Variants in USP32 observed in about 807,000 individuals in gnomAD.
USP32 encodes ubiquitin specific peptidase 32, also known as ubiquitin carboxyl-terminal hydrolase 32.
In USP32, 59 loss-of-function variants were observed where a neutral mutation model predicts 204.8. That is an observed-to-expected ratio of 0.29 (90% confidence interval 0.23 to 0.36). The LOEUF is 0.36. Among genes scored for constraint, USP32 ranks in the 10% least tolerant of loss-of-function variants. The pLI is 1.00. For synonymous variants in USP32, 517 were observed against 678.4 expected, an observed-to-expected ratio of 0.76 and a Z score of 3.70; for missense variants, 1,160 against 1,946.4, an observed-to-expected ratio of 0.60 and a Z score of 7.60.
intron 2 of USP32, among the ~76,000 whole-genome samples, chr17:60,336,843 C>G (rs909483253): frequency 3.3e-5 from 5 of 152,202 alleles, no homozygotes; most frequent in African/African-American, 1.2e-4. Context: ...TTCACAGATT[C>G]TAGTTACAGG....
At chr17:60,332,534 G>A (rs1275435827) in intron 2 of USP32, among the ~76,000 whole-genome samples, 2 of 151,932 alleles carry the variant, frequency 1.3e-5, no homozygotes, top group Non-Finnish European at 2.9e-5. Flanking sequence ...TGTGATCCCA[G>A]CTACTCGGGA....
At chr17:60,391,783 C>T in intron 1 of USP32, 99 bp downstream of exon 1, 1 of 1,366,432 alleles carries the variant, frequency 7.3e-7, no homozygotes, top group Non-Finnish European at 1.0e-6. Flanking sequence ...CCTCAGGCGC[C>T]CCACGCCCTC....
At chr17:60,346,984 C>G (rs1477611865) in intron 1 of USP32, among the ~76,000 whole-genome samples, 1 of 152,124 alleles carries the variant, frequency 6.6e-6, no homozygotes, top group Non-Finnish European at 1.5e-5. Context: ...TCAGATACAA[C>G]TCAGATAAAA....
intron 10 of USP32, among the ~76,000 whole-genome samples, chr17:60,253,414 TAA>T (rs1260571704): frequency 5.6e-5 from 8 of 142,478 alleles, no homozygotes; most frequent in African/African-American, 1.5e-4. Flanking sequence ...ATAGTTTAAT[TAA>T]AAAAAAAAAA....
At chr17:60,192,756 T>TAC in intron 28 of USP32, 88 bp downstream of exon 28, 2 of 1,487,410 alleles carry the variant, frequency 1.3e-6, no homozygotes, top group Non-Finnish European at 1.9e-6. Flanking sequence ...ATTCACTATT[T>TAC]ACTTCTCAAA....
chr17:60,266,466 A>G (rs991366676), intron 7 of USP32, among the ~76,000 whole-genome samples: 1 of 152,130 alleles, frequency 6.6e-6, no homozygotes, highest in African/African-American at 2.4e-5. Flanking sequence ...TTGAAAACTG[A>G]TCATTGCAGA....
intron 12 of USP32, among the ~76,000 whole-genome samples, chr17:60,233,291 C>A (rs2085623913): frequency 6.6e-6 from 1 of 152,064 alleles, no homozygotes; most frequent in African/African-American, 2.4e-5. Flanking sequence ...CATAGTGAGA[C>A]CCCATCTCTA....
chr17:60,325,160 T>A (rs1186473380), intron 2 of USP32, among the ~76,000 whole-genome samples: 2 of 152,074 alleles, frequency 1.3e-5, no homozygotes, highest in East Asian at 3.9e-4. Flanking sequence ...ACACTTGTAA[T>A]CCCAGCATTT....
chr17:60,215,537 C>A (rs1479644463), intron 16 of USP32, among the ~76,000 whole-genome samples: 1 of 151,532 alleles, frequency 6.6e-6, no homozygotes, highest in South Asian at 2.1e-4. Flanking sequence ...GGATTTGAAT[C>A]CCACAGATAG....
chr17:60,416,003 C>T (rs1273053041), intron 1 of USP32, among the ~76,000 whole-genome samples: 2 of 152,010 alleles, frequency 1.3e-5, no homozygotes, highest in African/African-American at 4.8e-5. Flanking sequence ...CCACGCCCAG[C>T]TAATTTTTGT....
chr17:60,207,864 T>C, intron 24 of USP32, 195 bp downstream of exon 24: 1 of 866,696 alleles, frequency 1.2e-6, no homozygotes, highest in Non-Finnish European at 1.7e-6. Flanking sequence ...ACCATCAGTA[T>C]TATCCCTTTA....
At chr17:60,255,497 A>C (rs2086278790) in intron 9 of USP32, among the ~76,000 whole-genome samples, 2 of 152,060 alleles carry the variant, frequency 1.3e-5, no homozygotes, top group Non-Finnish European at 2.9e-5. Context: ...ACGGGGTTTC[A>C]CTATGTTGGC....
intron 1 of USP32, among the ~76,000 whole-genome samples, chr17:60,419,765 C>T (rs1598327606): frequency 6.7e-6 from 1 of 149,976 alleles, no homozygotes. Flanking sequence ...GCAACAAACC[C>T]CCATGACACA....
intron 2 of USP32, among the ~76,000 whole-genome samples, chr17:60,326,760 C>G (rs990091986): frequency 2.6e-5 from 4 of 152,102 alleles, no homozygotes; most frequent in African/African-American, 9.7e-5. Flanking sequence ...AATATTCCCC[C>G]CAAAGAGACT....
intron 11 of USP32, chr17:60,249,419 A>T: frequency 3.1e-6 from 1 of 317,552 alleles, no homozygotes; most frequent in Non-Finnish European, 5.7e-6. Context: ...CACTATGGTG[A>T]TCCTGTTCCC....
chr17:60,310,662 G>A (rs1370243419), intron 2 of USP32, among the ~76,000 whole-genome samples: 2 of 152,086 alleles, frequency 1.3e-5, no homozygotes, highest in East Asian at 3.9e-4. Context: ...TCGACCCACT[G>A]CACTCCAGCC....
intron 7 of USP32, among the ~76,000 whole-genome samples, chr17:60,267,751 C>T (rs1448814269): frequency 6.6e-6 from 1 of 151,976 alleles, no homozygotes; most frequent in Admixed American, 6.6e-5. Context: ...GAACTCCTGA[C>T]CTTGTGATCC....
chr17:60,181,771 G>C, intron 31 of USP32, 23 bp from the exon 32 acceptor site: 1 of 1,587,480 alleles, frequency 6.3e-7, no homozygotes, highest in East Asian at 2.2e-5. Flanking sequence ...CAGAAGAAAA[G>C]ATTCACAAAT....
chr17:60,219,517 G>A, intron 16 of USP32, 153 bp downstream of exon 16: 1 of 985,018 alleles, frequency 1.0e-6, no homozygotes, highest in Admixed American at 3.1e-5. Context: ...ATGGGAATGT[G>A]TATCAATACA....
Sources: gnomAD v4.1 joint callset for allele counts (sites outside exome capture counted in the v4.1 genomes callset) on GRCh38, gnomAD v4.1.1 for gene constraint, MANE v1.5 for transcripts, NCBI Gene and HGNC (gene_info 2026-07-23, HGNC 2026-07-21) for gene names.